Variants in RAD23B observed in about 807,000 individuals in gnomAD.
The protein encoded by RAD23B is lysine-specific demethylase RAD23B.
In RAD23B, 5 loss-of-function variants were observed where a neutral mutation model predicts 49.1. The observed-to-expected ratio is 0.10, with a 90% CI of 0.05 to 0.21. The LOEUF (loss-of-function observed/expected upper bound fraction) is 0.21. Ranked by LOEUF, RAD23B falls within the 10% of genes least tolerant of loss-of-function variation. The pLI, the probability that RAD23B is intolerant of heterozygous loss-of-function variation, is 1.00. For missense variants in RAD23B, 356 were observed against 486.7 expected, an observed-to-expected ratio of 0.73 and a Z score of 2.53; for synonymous variants, 184 against 165.4, an observed-to-expected ratio of 1.11 and a Z score of -0.86.
In RAD23B at chr9:107,331,442, G is replaced by T. The variant is rs1012287968; in HGVS notation, c.*1786G>T. The T allele has an allele frequency of 9.6e-6, 4 of 417,870 alleles. No individual in the cohort carries two copies. The highest frequency in any genetic ancestry group is 1.7e-5 in the Non-Finnish European group (4 of 235,760). 25.9% of individuals were successfully genotyped at this position (417,870 alleles called of 1,614,324 possible). On this transcript the variant is annotated 3_prime_UTR_variant, in exon 10 of 10. Coordinates refer to ENST00000358015, the MANE Select transcript of RAD23B (RefSeq NM_002874.5). ...TGCTTGAACCCGGGAAGTGAAGGTTGCCGTGAGCTGAGATCACACCACTGC... is the reference window on the plus strand; with the variant it reads ...TGCTTGAACCCGGGAAGTGAAGGTTTCCGTGAGCTGAGATCACACCACTGC...
At chr9:107,306,336 T>G (rs1826772383) in intron 3 of RAD23B, 43 bp from the exon 4 acceptor site, 2 of 1,570,924 alleles carry the variant, frequency 1.3e-6, no homozygotes, top group African/African-American at 1.4e-5. Context: ...TCAGGCAGTA[T>G]GTAGTATTTT....
chr9:107,289,952 G>C (rs1833348613), intron 1 of RAD23B, among the ~76,000 whole-genome samples: 1 of 152,054 alleles, frequency 6.6e-6, no homozygotes, highest in Admixed American at 6.6e-5. Context: ...TTAAATTTAT[G>C]AACATTAAGG....
At chr9:107,326,014 T>G (rs1827196042) in intron 9 of RAD23B, among the ~76,000 whole-genome samples, 1 of 152,222 alleles carries the variant, frequency 6.6e-6, no homozygotes, top group Admixed American at 6.5e-5. Flanking sequence ...TTAGTATGCT[T>G]TATTACATTG....
In RAD23B at chr9:107,331,726, C is replaced by T; in HGVS notation, c.*2070C>T. ...ACAGCCTCTTCTTGGAAAGTGACAG[C>T]AGAAGGTGGCATGGAGCTTGTGTCC... On this transcript the variant is annotated 3_prime_UTR_variant, in exon 10 of 10. Transcript: ENST00000358015. 1.3e-6 allele frequency: 1 copy of T among 775,996 alleles called. No homozygotes were observed. The highest frequency in any genetic ancestry group is 2.4e-6 in the Non-Finnish European group (1 of 417,198). 48.1% of individuals were successfully genotyped at this position (775,996 alleles called of 1,614,324 possible).
At chr9:107,316,786 C>G (rs1827006376) in intron 5 of RAD23B, among the ~76,000 whole-genome samples, 2 of 149,514 alleles carry the variant, frequency 1.3e-5, no homozygotes, top group South Asian at 2.1e-4. Flanking sequence ...GTCAAACTTG[C>G]ATTCAGTTGG....
intron 1 of RAD23B, among the ~76,000 whole-genome samples, chr9:107,288,516 G>T (rs1833320446): frequency 6.6e-6 from 1 of 152,168 alleles, no homozygotes. Context: ...CGCCATCTTG[G>T]CTCACTGCAG....
Position 107,324,864 on chromosome 9 carries a change from C to A in RAD23B, c.976C>A (p.Gln326Lys). The A allele has an allele frequency of 6.2e-7, 1 of 1,611,198 alleles. No individual in the cohort carries two copies. Among genetic ancestry groups the A allele is most frequent in the Non-Finnish European group, 8.5e-7 (1 of 1,179,358 alleles). The change falls in exon 9 of 10, where the codon CAG becomes AAG. Residue 326 changes from glutamine to lysine, a missense_variant. Gln to Lys is a moderately conservative substitution (Grantham distance 53, BLOSUM62 1). This residue lies in a region of RAD23B where 148 missense variants were observed against 231.7 expected (regional missense o/e 0.64). Transcript: ENST00000358015. ...TAGCCAACACCAGGAGCATTTTATT[C>A]AGATGTTAAATGAACCAGTTCAAGA... ...QISQHQEHFI[Q>K]MLNEPVQEAG...
chr9:107,316,778 CA>C (rs1228055282), intron 5 of RAD23B, among the ~76,000 whole-genome samples: 1 of 149,120 alleles, frequency 6.7e-6, no homozygotes, highest in African/African-American at 2.5e-5. Context: ...CCTGCACAGT[CA>C]AACTTGCATT....
chr9:107,323,104 A>G (rs1218696048), intron 7 of RAD23B, among the ~76,000 whole-genome samples: 2 of 152,220 alleles, frequency 1.3e-5, no homozygotes, highest in African/African-American at 4.8e-5. Context: ...CTCAAAAACA[A>G]TTCCTGTATG....
At chr9:107,300,626 C>T (rs927451360) in intron 2 of RAD23B, among the ~76,000 whole-genome samples, 3 of 151,456 alleles carry the variant, frequency 2.0e-5, no homozygotes, top group African/African-American at 7.3e-5. Context: ...CACACAGACA[C>T]CTACAGGAAG....
chr9:107,283,835 G>A lies in RAD23B; in HGVS notation c.66+140G>A, dbSNP rs552786102. Reference sequence around the variant, plus strand: ...GGCCCTGGGTCCTGGTGCCGGCCCTGGCGGCGTACAGCGGAGCCGATCCTC... The same window carrying A: ...GGCCCTGGGTCCTGGTGCCGGCCCTAGCGGCGTACAGCGGAGCCGATCCTC... On this transcript the variant is annotated intron_variant, in intron 1 of 9. Transcript: ENST00000358015. The A allele has an allele frequency of 1.4e-4, 136 of 942,088 alleles. 1 individual carries two copies. The African/African-American group carries it at 2.2e-3, about 15-fold the overall frequency. The allele number at this position is 942,088 out of a possible 1,614,324, so 58.4% of individuals were successfully genotyped here. A position where few individuals can be genotyped will look rare whatever the true frequency, so the allele number is the denominator to read the frequency against.
intron 4 of RAD23B, among the ~76,000 whole-genome samples, chr9:107,309,299 A>T (rs58733970): frequency 5.3e-5 from 8 of 152,230 alleles, no homozygotes; most frequent in African/African-American, 1.9e-4. Flanking sequence ...AGAAACCCTG[A>T]TAGCTGATAC....
chr9:107,308,441 A>T lies in RAD23B; in HGVS notation c.497+1794A>T, dbSNP rs1374095589. On this transcript the variant is annotated intron_variant, in intron 4 of 9. Coordinates refer to ENST00000358015, the MANE Select transcript of RAD23B (RefSeq NM_002874.5). ...ACCATGTTAGCCAGGCTGGTCTCGAACTCCTGACCTCAGGTGATCTGCCCA... is the reference window on the plus strand; with the variant it reads ...ACCATGTTAGCCAGGCTGGTCTCGATCTCCTGACCTCAGGTGATCTGCCCA... Among the ~76,000 whole-genome samples, 3 of 151,858 alleles carry T rather than the reference A, an allele frequency of 2.0e-5. No homozygotes were observed. The East Asian group carries it at 5.8e-4, about 29-fold the overall frequency.
At chr9:107,308,378 C>T (rs1256255751) in intron 4 of RAD23B, among the ~76,000 whole-genome samples, 1 of 151,922 alleles carries the variant, frequency 6.6e-6, no homozygotes, top group East Asian at 1.9e-4. Flanking sequence ...GGCACCATGC[C>T]CAGCTTATTT....
At chr9:107,295,297 A>G (rs1465958172) in intron 1 of RAD23B, among the ~76,000 whole-genome samples, 2 of 152,168 alleles carry the variant, frequency 1.3e-5, no homozygotes, top group African/African-American at 4.8e-5. Flanking sequence ...TTTTAAAATG[A>G]TGAAGTATTA....
intron 5 of RAD23B, among the ~76,000 whole-genome samples, chr9:107,314,488 C>G (rs1289527462): frequency 3.9e-5 from 6 of 152,118 alleles, no homozygotes; most frequent in Admixed American, 3.3e-4. Flanking sequence ...CTCTGTAGTT[C>G]TATCCATGTT....
In RAD23B at chr9:107,329,739, A is replaced by C. The variant is rs527390012; in HGVS notation, c.*83A>C. The C allele has an allele frequency of 1.5e-6, 1 of 667,552 alleles. No individual in the cohort carries two copies. The allele number at this position is 667,552 out of a possible 1,614,324, so 41.4% of individuals were successfully genotyped here. A position where few individuals can be genotyped will look rare whatever the true frequency, so the allele number is the denominator to read the frequency against. On this transcript the variant is annotated 3_prime_UTR_variant, in exon 10 of 10. Coordinates refer to ENST00000358015, the MANE Select transcript of RAD23B (RefSeq NM_002874.5). The stretch of plus-strand genomic sequence containing the variant: ...GGATTGTCTGGGATGACTTGGGCTC[A>C]TATCCACAATACTTGGTATAAGGTA...
At chr9:107,322,504 A>G (rs1351039033) in intron 7 of RAD23B, among the ~76,000 whole-genome samples, 1 of 152,214 alleles carries the variant, frequency 6.6e-6, no homozygotes, top group Non-Finnish European at 1.5e-5. Flanking sequence ...GATTTTAGTA[A>G]TTATACAGCC....
At chr9:107,310,802 C>A (rs1322010386) in intron 4 of RAD23B, among the ~76,000 whole-genome samples, 1 of 152,120 alleles carries the variant, frequency 6.6e-6, no homozygotes, top group Non-Finnish European at 1.5e-5. Context: ...GTATATGATA[C>A]GGTCGTTGAC....
Sources: gnomAD v4.1 joint callset for allele counts (sites outside exome capture counted in the v4.1 genomes callset) on GRCh38, gnomAD v4.1.1 for gene constraint, gnomAD v4.1.1 regional missense constraint, MANE v1.5 for transcripts, NCBI Gene and HGNC (gene_info 2026-07-23, HGNC 2026-07-21) for gene names.